Variants in TCF7L2 observed in about 807,000 individuals in gnomAD.
TCF7L2 encodes transcription factor 7-like 2.
In TCF7L2, 23 loss-of-function variants were observed where a neutral mutation model predicts 77.9. The ratio of observed to expected loss-of-function variants is 0.30; its 90% CI spans 0.21 to 0.42. The LOEUF (loss-of-function observed/expected upper bound fraction) is 0.42. Ranked by LOEUF, TCF7L2 falls within the 10% of genes least tolerant of loss-of-function variation. The probability of loss-of-function intolerance (pLI) is 1.00; values close to 1 mark genes in which losing one functional copy is unlikely to be tolerated. For synonymous variants in TCF7L2, 413 were observed against 340.2 expected (o/e 1.21, Z -2.36); for missense variants, 654 against 793.1 (o/e 0.82, Z 2.11).
intron 3 of TCF7L2, among the ~76,000 whole-genome samples, chr10:112,961,108 G>T (rs1460352099): frequency 6.6e-6 from 1 of 151,932 alleles, no homozygotes; most frequent in Non-Finnish European, 1.5e-5. Context: ...CCCCCTCCCG[G>T]GTTCAAGCGA....
At chr10:113,162,078 A>T (rs2137517447) in intron 13 of TCF7L2, among the ~76,000 whole-genome samples, 1 of 152,368 alleles carries the variant, frequency 6.6e-6, no homozygotes, top group South Asian at 2.1e-4. Context: ...AGGACTAGCC[A>T]GGGAGGGCAG....
chr10:113,138,257 C>T (rs1359318423), intron 5 of TCF7L2, among the ~76,000 whole-genome samples: 2 of 147,572 alleles, frequency 1.4e-5, no homozygotes, highest in African/African-American at 5.0e-5. Context: ...CCCTCCACCC[C>T]ACCCCCACCC....
At chr10:113,037,402 A>G (rs540296901) in intron 4 of TCF7L2, among the ~76,000 whole-genome samples, 7 of 152,284 alleles carry the variant, frequency 4.6e-5, no homozygotes, top group African/African-American at 1.4e-4. Context: ...GGATTTGGTT[A>G]GCTCTCTCTG....
intron 4 of TCF7L2, among the ~76,000 whole-genome samples, chr10:113,010,541 T>C (rs535233803): frequency 1.3e-5 from 2 of 152,328 alleles, no homozygotes; most frequent in Admixed American, 1.3e-4. Flanking sequence ...CTCACACTGT[T>C]AAGGAGATAG....
In TCF7L2 at chr10:112,951,483, C is replaced by G; in HGVS notation, c.257C>G (p.Ala86Gly). Residue 86 changes from alanine (A) to glycine (G), a missense_variant and splice_region_variant, in exon 3 of 14, where the codon GCG becomes GGG. Ala to Gly is a moderately conservative substitution (Grantham distance 60). Around this residue, in one of 6 missense-constraint regions of TCF7L2, gnomAD observed 132 missense variants for 123.7 expected, o/e 1.07. Coordinates refer to ENST00000627217, the MANE Select transcript of TCF7L2 (RefSeq NM_001146274.2). ...TCCCCTCGCCGCCCCGCCATGTTAG[C>G]GGCCAAGAGGCAAGATGGAGGGCTC... 7.0e-7 allele frequency: 1 copy of G among 1,427,610 alleles called. No individual in the cohort carries two copies. Among genetic ancestry groups the G allele is most frequent in the Non-Finnish European group, 9.4e-7 (1 of 1,067,928 alleles). The allele number at this position is 1,427,610 out of a possible 1,614,324, so 88.4% of individuals were successfully genotyped here.
chr10:113,124,952 T>A (rs534608029), intron 5 of TCF7L2, among the ~76,000 whole-genome samples: 1 of 152,274 alleles, frequency 6.6e-6, no homozygotes, highest in South Asian at 2.1e-4. Context: ...TTGAGTTGTG[T>A]TGTTTCCTGT....
At chr10:113,134,499 G>A (rs2067105456) in intron 5 of TCF7L2, among the ~76,000 whole-genome samples, 1 of 152,126 alleles carries the variant, frequency 6.6e-6, no homozygotes, top group African/African-American at 2.4e-5. Flanking sequence ...TTAACTGACT[G>A]TTCACCACCC....
At chr10:113,054,975 T>C (rs1350484347) in intron 5 of TCF7L2, among the ~76,000 whole-genome samples, 2 of 152,220 alleles carry the variant, frequency 1.3e-5, no homozygotes, top group African/African-American at 4.8e-5. Context: ...TCTGTAGTAT[T>C]TATTGTATGC....
intron 5 of TCF7L2, chr10:113,126,562 C>CT (rs980383289): frequency 2.8e-4 from 241 of 872,324 alleles, no homozygotes; most frequent in South Asian, 3.7e-4. Context: ...AAAGCCCTGC[C>CT]TTTTTTTTTT....
intron 5 of TCF7L2, among the ~76,000 whole-genome samples, chr10:113,092,145 A>C (rs949502742): frequency 6.6e-6 from 1 of 152,218 alleles, no homozygotes; most frequent in Non-Finnish European, 1.5e-5. Flanking sequence ...TTATAACTCA[A>C]GGTCTACAGG....
intron 5 of TCF7L2, among the ~76,000 whole-genome samples, chr10:113,103,384 G>T (rs1336916408): frequency 6.6e-6 from 1 of 152,028 alleles, no homozygotes; most frequent in Non-Finnish European, 1.5e-5. Flanking sequence ...TTTGTTTTGT[G>T]TGTGTGGTTT....
chr10:113,081,421 C>G (rs2059305869), intron 5 of TCF7L2, among the ~76,000 whole-genome samples: 1 of 152,206 alleles, frequency 6.6e-6, no homozygotes, highest in African/African-American at 2.4e-5. Flanking sequence ...CTTTCTGCAG[C>G]CTGTGCTGCT....
intron 5 of TCF7L2, among the ~76,000 whole-genome samples, chr10:113,079,898 A>G (rs547873992): frequency 6.6e-6 from 1 of 151,840 alleles, no homozygotes; most frequent in South Asian, 2.1e-4. Context: ...CCTCAGGTGA[A>G]CCACCCCCCT....
chr10:113,129,770 C>T, intron 5 of TCF7L2: 4 of 1,263,382 alleles, frequency 3.2e-6, no homozygotes, highest in Non-Finnish European at 4.1e-6. Context: ...GTGAGAAAAG[C>T]AGAAAGGGAG....
chr10:112,957,983 AACTTAAAG>A (rs1331192812), intron 3 of TCF7L2, among the ~76,000 whole-genome samples: 2 of 152,156 alleles, frequency 1.3e-5, no homozygotes, highest in East Asian at 3.9e-4. Context: ...ATCCAACCCA[AACTTAAAG>A]ACCCAGGCCG....
At chr10:113,115,461 G>A (rs1162233534) in intron 5 of TCF7L2, among the ~76,000 whole-genome samples, 1 of 151,798 alleles carries the variant, frequency 6.6e-6, no homozygotes, top group Non-Finnish European at 1.5e-5. Context: ...ATCTTGTATC[G>A]CTTGTTAGAA....
intron 4 of TCF7L2, among the ~76,000 whole-genome samples, chr10:113,015,637 G>C (rs1047858389): frequency 6.6e-6 from 1 of 151,892 alleles, no homozygotes; most frequent in South Asian, 2.1e-4. Flanking sequence ...CACCACTCCT[G>C]GCTAATTAAA....
chr10:113,020,694 C>T (rs977994548), intron 4 of TCF7L2, among the ~76,000 whole-genome samples: 1 of 152,114 alleles, frequency 6.6e-6, no homozygotes, highest in African/African-American at 2.4e-5. Context: ...TCACCACAGC[C>T]CTCTGAAGGG....
chr10:113,039,748 T>C (rs1039071886), intron 4 of TCF7L2, among the ~76,000 whole-genome samples: 19 of 151,836 alleles, frequency 1.3e-4, no homozygotes, highest in African/African-American at 3.6e-4. Flanking sequence ...GTAGTAGTAA[T>C]GAAATCATTT....
Sources: allele counts gnomAD v4.1 joint callset (sites outside exome capture counted in the v4.1 genomes callset), GRCh38; gene constraint gnomAD v4.1.1; regional missense constraint gnomAD v4.1.1; transcripts MANE v1.5; gene names NCBI Gene and HGNC (gene_info 2026-07-23, HGNC 2026-07-21).